The following RNF166 variants were observed in gnomAD, a reference collection of about 807,000 sequenced individuals.
RNF166 encodes the protein ring finger protein 166.
Under a neutral mutation model 29.4 loss-of-function variants are expected in RNF166, and 19 were observed. That is an observed-to-expected ratio of 0.65 (90% confidence interval 0.45 to 0.95). The LOEUF is 0.95. Ranked by LOEUF, RNF166 falls within the 40% of genes least tolerant of loss-of-function variation. The probability of loss-of-function intolerance (pLI) is 0.00; values close to 1 mark genes in which losing one functional copy is unlikely to be tolerated. For synonymous variants in RNF166, 171 were observed against 134.5 expected (o/e 1.27, Z -1.88); for missense variants, 347 against 322.1 (o/e 1.08, Z -0.59).
Position 88,701,760 on chromosome 16 carries a change from C to T in RNF166, c.156-342G>A, listed in dbSNP as rs185849708. On this transcript the variant is annotated intron_variant, in intron 1 of 5. Coordinates refer to ENST00000312838, the MANE Select transcript of RNF166 (RefSeq NM_178841.4). ...GGCTACCAGGTTCACGTTCACGTGGCGACAACACCTGGGTGGGCTGTGGGG... is the reference window on the plus strand; with the variant it reads ...GGCTACCAGGTTCACGTTCACGTGGTGACAACACCTGGGTGGGCTGTGGGG... 364 of 274,684 alleles carry T rather than the reference C, an allele frequency of 1.3e-3. 3 individuals carry two copies. The highest frequency in any genetic ancestry group is 1.6e-3 in the Non-Finnish European group (234 of 144,300). The allele number at this position is 274,684 out of a possible 1,614,324, so 17.0% of individuals were successfully genotyped here.
At chr16:88,697,670 G>C in intron 5 of RNF166, 37 bp from the exon 6 acceptor site, 1 of 1,480,900 alleles carries the variant, frequency 6.8e-7, no homozygotes, top group Non-Finnish European at 9.2e-7. Context: ...GGGCTCGAGG[G>C]AGACAGGAAG....
intron 1 of RNF166, 97 bp downstream of exon 1, chr16:88,706,074 C>A: frequency 1.2e-6 from 1 of 831,114 alleles, no homozygotes; most frequent in Non-Finnish European, 1.5e-6. Context: ...CCCCGCGCGC[C>A]CAGTCCGGAG....
At chr16:88,699,971 G>C in intron 2 of RNF166, 1 of 390,932 alleles carries the variant, frequency 2.6e-6, no homozygotes, top group East Asian at 4.3e-5. Context: ...AACCTGGCTG[G>C]AGAAGGGTAG....
At chr16:88,705,061 G>A (rs148925169) in intron 1 of RNF166, among the ~76,000 whole-genome samples, 59 of 152,340 alleles carry the variant, frequency 3.9e-4, no homozygotes, top group Non-Finnish European at 1.9e-4. Flanking sequence ...AGGAGCAGGG[G>A]CAGAGCCTGT....
Position 88,706,251 on chromosome 16 carries a change from G to A in RNF166, c.75C>T (p.Ser25=), listed in dbSNP as rs1385294409. The A allele has an allele frequency of 3.8e-6, 5 of 1,304,536 alleles. No homozygotes were observed. The South Asian group carries it at 5.6e-5, about 15-fold the overall frequency. The allele number at this position is 1,304,536 out of a possible 1,614,324, so 80.8% of individuals were successfully genotyped here. ...QPPAGPAGGD[S]GLEAQYTCPI... The stretch of plus-strand genomic sequence containing the variant: ...GGCAGGTGTACTGCGCCTCCAGGCC[G>A]CTGTCGCCGCCCGCCGGCCCGGCCG... The change falls in exon 1 of 6, where the codon AGC becomes AGT. Residue 25 remains serine, a synonymous_variant. Transcript: ENST00000312838.
chr16:88,704,376 T>G (rs1910557610), intron 1 of RNF166: 1 of 985,256 alleles, frequency 1.0e-6, no homozygotes, highest in South Asian at 4.7e-5. Context: ...GCGGTGAGAC[T>G]AGGATGGTCG....
chr16:88,702,800 A>C, intron 1 of RNF166: 1 of 985,464 alleles, frequency 1.0e-6, no homozygotes, highest in South Asian at 4.7e-5. Context: ...CAGGCGCCCC[A>C]GCAGATATTT....
intron 1 of RNF166, chr16:88,703,013 A>C (rs1049197632): frequency 8.1e-6 from 8 of 985,156 alleles, no homozygotes; most frequent in Non-Finnish European, 9.6e-6. Context: ...TGGCGTGCAC[A>C]CCCATGGAAA....
At chr16:88,705,755 T>G (rs192393187) in intron 1 of RNF166, among the ~76,000 whole-genome samples, 6 of 152,350 alleles carry the variant, frequency 3.9e-5, no homozygotes, top group Admixed American at 1.3e-4. Flanking sequence ...GAACAAGAGT[T>G]GATAGCAAAA....
rs1909761996 is a variant in RNF166 at position 88,697,651 on chromosome 16, AGATGCACCGG to A, written c.649-28_649-19del. 6.5e-7 allele frequency: 1 copy of A among 1,541,354 alleles called. No homozygotes were observed. Among genetic ancestry groups the A allele is most frequent in the East Asian group, 2.4e-5 (1 of 40,874 alleles). On this transcript the variant is annotated intron_variant, in intron 5 of 5. Transcript: ENST00000312838. ...CTGTAGTCCTGGAGACAGGAAGGAG[AGATGCACCGG>A]GCTCGAGGGAGACAGGAAGGAGAGG...
Position 88,703,291 on chromosome 16 carries a change from G to A in RNF166, c.156-1873C>T, listed in dbSNP as rs576587799. 1.8e-5 allele frequency: 18 copies of A among 985,176 alleles called. No homozygotes were observed. In the South Asian group the frequency reaches 7.5e-4, roughly 41 times the overall value. 61.0% of individuals were successfully genotyped at this position (985,176 alleles called of 1,614,324 possible). A position where few individuals can be genotyped will look rare whatever the true frequency, so the allele number is the denominator to read the frequency against. On this transcript the variant is annotated intron_variant, in intron 1 of 5. Transcript: ENST00000312838. ...GCAAACACACTGGAAACGACTGGAT[G>A]GTGCACCTCCTGAGTGAACCCTGAG...
chr16:88,697,805 G>C (rs968751552), intron 5 of RNF166, 172 bp from the exon 6 acceptor site: 2 of 588,156 alleles, frequency 3.4e-6, no homozygotes, highest in Non-Finnish European at 6.2e-6. Flanking sequence ...GTCCTCTGGG[G>C]GGTGAGAAGG....
rs149352929 is a variant in RNF166 at position 88,696,882 on chromosome 16, G to A, written c.*686C>T. On this transcript the variant is annotated 3_prime_UTR_variant, in exon 6 of 6. Transcript: ENST00000312838. ...GACCCCACAGCAGACCCCATGGCTC[G>A]CCTGAGCTCTGGCAGCTGCCCCACT... 1,286 of 246,400 alleles carry A rather than the reference G, an allele frequency of 5.2e-3. 3 individuals are homozygous for A. The highest frequency in any genetic ancestry group is 7.0e-3 in the Non-Finnish European group (868 of 123,868). The allele number at this position is 246,400 out of a possible 1,614,324, so 15.3% of individuals were successfully genotyped here.
chr16:88,703,040 A>G, intron 1 of RNF166: 11 of 985,438 alleles, frequency 1.1e-5, no homozygotes, highest in Non-Finnish European at 1.3e-5. Context: ...TCGGCCGGGA[A>G]GAGGCGTGCA....
In RNF166 at chr16:88,697,312, C is replaced by G; in HGVS notation, c.*256G>C. 2 of 394,670 alleles carry G rather than the reference C, an allele frequency of 5.1e-6. No individual in the cohort carries two copies. Among genetic ancestry groups the G allele is most frequent in the South Asian group, 3.8e-5 (1 of 26,660 alleles). 24.4% of individuals were successfully genotyped at this position (394,670 alleles called of 1,614,324 possible). A position where few individuals can be genotyped will look rare whatever the true frequency, so the allele number is the denominator to read the frequency against. On this transcript the variant is annotated 3_prime_UTR_variant, in exon 6 of 6. Coordinates refer to ENST00000312838, the MANE Select transcript of RNF166 (RefSeq NM_178841.4). ...CCAGGTCCCAGCGTCCAGCCCTGCC[C>G]AAGTAGGCCGCCTGCTCGGCCAGAA...
In RNF166 at chr16:88,699,554, C is replaced by A. The variant is rs560615552; in HGVS notation, c.425+66G>T. On this transcript the variant is annotated intron_variant, in intron 3 of 5. Transcript: ENST00000312838. Reference sequence around the variant, plus strand: ...CCAGCCTCTCTGGGATGGGGCACTGCGCTTGCTCCCAGAACGAGGAAACCG... The same window carrying A: ...CCAGCCTCTCTGGGATGGGGCACTGAGCTTGCTCCCAGAACGAGGAAACCG... The A allele has an allele frequency of 1.3e-4, 167 of 1,306,696 alleles. 2 individuals are homozygous for A. In the South Asian group the frequency reaches 2.1e-3, roughly 17 times the overall value. 80.9% of individuals were successfully genotyped at this position (1,306,696 alleles called of 1,614,324 possible). A position where few individuals can be genotyped will look rare whatever the true frequency, so the allele number is the denominator to read the frequency against.
rs571966650 is a variant in RNF166 at position 88,699,798 on chromosome 16, G to A, written c.313-66C>T. ...CTGGAAGGGCCGTCCTGGGGAGGCC[G>A]AGACCTCAGGTGTCCAGGACCAGAG... On this transcript the variant is annotated intron_variant, in intron 2 of 5. Transcript: ENST00000312838. The A allele has an allele frequency of 3.8e-5, 44 of 1,149,370 alleles. No individual in the cohort carries two copies. In the East Asian group the frequency reaches 7.1e-4, roughly 19 times the overall value. 71.2% of individuals were successfully genotyped at this position (1,149,370 alleles called of 1,614,324 possible). A position where few individuals can be genotyped will look rare whatever the true frequency, so the allele number is the denominator to read the frequency against.
chr16:88,704,874 C>T (rs975479180), intron 1 of RNF166, among the ~76,000 whole-genome samples: 1 of 152,154 alleles, frequency 6.6e-6, no homozygotes, highest in Non-Finnish European at 1.5e-5. Context: ...CCTGTAATCC[C>T]AGCTACTCTG....
intron 5 of RNF166, chr16:88,697,984 G>A (rs528088275): frequency 1.5e-4 from 73 of 474,864 alleles, no homozygotes; most frequent in Non-Finnish European, 2.6e-4. Context: ...CCGGACGACT[G>A]GCAGAGGGAG....
Sources: allele counts gnomAD v4.1 joint callset (sites outside exome capture counted in the v4.1 genomes callset), GRCh38; gene constraint gnomAD v4.1.1; transcripts MANE v1.5; gene names NCBI Gene and HGNC (gene_info 2026-07-23, HGNC 2026-07-21).